Variants in FDFT1 observed in about 807,000 individuals in gnomAD.
FDFT1 encodes farnesyl-diphosphate farnesyltransferase 1, also known as squalene synthase.
FDFT1 carries 68 observed loss-of-function variants against 46.8 expected under a neutral mutation model. That is an observed-to-expected ratio of 1.45 (90% CI 1.19 to 1.78). The LOEUF is 1.78. Ranked by LOEUF, FDFT1 falls within the 40% of genes most tolerant of loss-of-function variation. FDFT1 has a pLI of 0.00. For synonymous variants in FDFT1, 351 were observed against 185.1 expected, an observed-to-expected ratio of 1.90 and a Z score of -7.28; for missense variants, 928 against 524.4, an observed-to-expected ratio of 1.77 and a Z score of -7.52.
intron 3 of FDFT1, among the ~76,000 whole-genome samples, chr8:11,817,806 G>C (rs1352811014): frequency 6.8e-6 from 1 of 147,612 alleles, no homozygotes; most frequent in Non-Finnish European, 1.5e-5. Flanking sequence ...CAAAAAACCA[G>C]CTCCTGGATT....
chr8:11,823,026 C>T (rs10097887), intron 4 of FDFT1, among the ~76,000 whole-genome samples: 39,051 of 152,030 alleles, frequency 0.26, 6,025 homozygotes, highest in East Asian at 0.77. Context: ...GTGATCACGG[C>T]TCCCCGCAGC....
intron 4 of FDFT1, among the ~76,000 whole-genome samples, chr8:11,825,137 G>C (rs187364961): frequency 6.6e-6 from 1 of 152,278 alleles, no homozygotes; most frequent in East Asian, 1.9e-4. Context: ...CATGTTATCA[G>C]ATTGGTCAAA....
upstream of FDFT1, chr8:11,802,120 G>T: frequency 2.2e-6 from 1 of 454,522 alleles, no homozygotes; most frequent in Non-Finnish European, 4.4e-6. Flanking sequence ...ACTAGAGAGG[G>T]GGCAGCTGAA....
rs1806401561 is a variant in FDFT1 at position 11,803,420 on chromosome 8, C to T, written c.99+489C>T. 2.3e-6 allele frequency: 3 copies of T among 1,288,430 alleles called. No homozygotes were observed. In the African/African-American group the frequency reaches 4.6e-5, roughly 20 times the overall value. The allele number at this position is 1,288,430 out of a possible 1,614,324, so 79.8% of individuals were successfully genotyped here. A position where few individuals can be genotyped will look rare whatever the true frequency, so the allele number is the denominator to read the frequency against. Reference sequence around the variant, plus strand: ...CCCGCCTTGCTGCCTTCCATCGCTTCATCCTCGGTGCTTCCTGAGTTTTAA... The same window carrying T: ...CCCGCCTTGCTGCCTTCCATCGCTTTATCCTCGGTGCTTCCTGAGTTTTAA... On this transcript the variant is annotated intron_variant, in intron 1 of 7. Transcript: ENST00000220584.
chr8:11,810,268 G>T (rs1807518337), intron 3 of FDFT1, among the ~76,000 whole-genome samples: 1 of 152,190 alleles, frequency 6.6e-6, no homozygotes, highest in Non-Finnish European at 1.5e-5. Context: ...AAGATTCTCA[G>T]GCTAGCTCAC....
upstream of FDFT1, among the ~76,000 whole-genome samples, chr8:11,797,377 GCTCT>G (rs981154616): frequency 2.6e-5 from 4 of 152,136 alleles, no homozygotes; most frequent in African/African-American, 9.7e-5. Context: ...TGGATTAGGG[GCTCT>G]CTAACAAATA....
intron 3 of FDFT1, among the ~76,000 whole-genome samples, chr8:11,816,410 C>A (rs1277043203): frequency 6.6e-6 from 1 of 152,176 alleles, no homozygotes; most frequent in African/African-American, 2.4e-5. Context: ...TGAAGAAAGT[C>A]ATTGGTAGCT....
chr8:11,815,146 G>A (rs1808275563), intron 3 of FDFT1, among the ~76,000 whole-genome samples: 1 of 152,056 alleles, frequency 6.6e-6, no homozygotes, highest in Admixed American at 6.6e-5. Flanking sequence ...GTGATACTTT[G>A]CTCAGAATGA....
upstream of FDFT1, among the ~76,000 whole-genome samples, chr8:11,798,405 G>A (rs143747706): frequency 1.6e-4 from 25 of 152,214 alleles, no homozygotes; most frequent in Admixed American, 2.0e-4. Context: ...TATGGGAAAG[G>A]ACAGGGGAAG....
chr8:11,827,875 TAAAACAAAAC>T (rs368526467), intron 5 of FDFT1, among the ~76,000 whole-genome samples: 79 of 148,766 alleles, frequency 5.3e-4, no homozygotes, highest in African/African-American at 1.7e-3. Flanking sequence ...CCTTATCTCT[TAAAACAAAAC>T]AAAACAAAAC....
chr8:11,821,704 C>G, intron 3 of FDFT1, 46 bp from the exon 4 acceptor site: 1 of 1,604,212 alleles, frequency 6.2e-7, no homozygotes, highest in Non-Finnish European at 8.5e-7. Context: ...GGTGCCATGT[C>G]TGTACATATT....
chr8:11,804,927 A>AT (rs1806632436), intron 1 of FDFT1, among the ~76,000 whole-genome samples: 2 of 120,998 alleles, frequency 1.7e-5, no homozygotes, highest in Admixed American at 8.6e-5. Context: ...TTTTTTTTTG[A>AT]GGGGGGGGTC....
chr8:11,837,643 G>T (rs1238287600), intron 7 of FDFT1, among the ~76,000 whole-genome samples: 1 of 152,112 alleles, frequency 6.6e-6, no homozygotes, highest in Non-Finnish European at 1.5e-5. Context: ...ACAGAGCTCA[G>T]GCTTTTTTTC....
chr8:11,836,683 A>G, intron 7 of FDFT1, among the ~76,000 whole-genome samples: 1 of 152,260 alleles, frequency 6.6e-6, no homozygotes, highest in East Asian at 1.9e-4. Context: ...GGCAGGCAGA[A>G]GGATGACTTC....
chr8:11,825,213 T>G (rs550854310), intron 4 of FDFT1, among the ~76,000 whole-genome samples: 1 of 152,178 alleles, frequency 6.6e-6, no homozygotes, highest in Non-Finnish European at 1.5e-5. Flanking sequence ...CTTTCATCGT[T>G]GCCTTCTCTC....
At chr8:11,824,929 G>A (rs540604526) in intron 4 of FDFT1, among the ~76,000 whole-genome samples, 1 of 151,956 alleles carries the variant, frequency 6.6e-6, no homozygotes, top group Admixed American at 6.6e-5. Context: ...TAGAGACGGG[G>A]TTTCACCGTC....
intron 1 of FDFT1, chr8:11,803,399 C>A: frequency 7.8e-7 from 1 of 1,289,480 alleles, no homozygotes; most frequent in South Asian, 1.2e-5. Flanking sequence ...GCTCTCCCCG[C>A]CTTGCTGCCT....
In FDFT1 at chr8:11,826,216, G is replaced by T. The variant is rs753034680; in HGVS notation, c.702+1G>T. Reference sequence around the variant, plus strand: ...AGGAAGAGAGTTCTGGCCTCAAGAGGTAACAGATTCAGGGTATTTTGGGGG... The same window carrying T: ...AGGAAGAGAGTTCTGGCCTCAAGAGTTAACAGATTCAGGGTATTTTGGGGG... On this transcript the variant is annotated splice_donor_variant, in intron 5 of 7. Transcript: ENST00000220584. LOFTEE classifies it high-confidence loss of function. The T allele has an allele frequency of 6.5e-7, 1 of 1,527,254 alleles. No homozygotes were observed. The highest frequency in any genetic ancestry group is 1.9e-5 in the Admixed American group (1 of 53,696). The allele number at this position is 1,527,254 out of a possible 1,614,324, so 94.6% of individuals were successfully genotyped here.
chr8:11,802,638 A>G (rs1249651684), upstream of FDFT1: 1 of 595,238 alleles, frequency 1.7e-6, no homozygotes, highest in Non-Finnish European at 3.0e-6. Context: ...CCACCCCACG[A>G]GGCCGCAGCT....
Sources: allele counts gnomAD v4.1 joint callset (sites outside exome capture counted in the v4.1 genomes callset), GRCh38; gene constraint gnomAD v4.1.1; transcripts MANE v1.5; gene names NCBI Gene and HGNC (gene_info 2026-07-23, HGNC 2026-07-21).